Variants in RBM33 observed in about 807,000 individuals in gnomAD.
RBM33 encodes the protein RNA binding motif protein 33.
A neutral mutation model predicts 132.6 loss-of-function variants in RBM33; 28 were observed. That is an observed-to-expected ratio of 0.21 (90% CI 0.16 to 0.29). The LOEUF (loss-of-function observed/expected upper bound fraction) is 0.29. RBM33 is among the 10% of genes least tolerant of loss of function. The pLI, the probability that RBM33 is intolerant of heterozygous loss-of-function variation, is 1.00. For missense variants in RBM33, 1,291 were observed against 1,518.5 expected (o/e 0.85, Z 2.49); for synonymous variants, 634 against 593.0 (o/e 1.07, Z -1.01).
intron 8 of RBM33, among the ~76,000 whole-genome samples, chr7:155,717,982 A>G (rs928566981): frequency 6.6e-6 from 1 of 152,026 alleles, no homozygotes; most frequent in Non-Finnish European, 1.5e-5. Flanking sequence ...TTCATGATTC[A>G]TGAGGATTGA....
intron 5 of RBM33, among the ~76,000 whole-genome samples, chr7:155,682,503 A>G (rs1799363612): frequency 6.6e-6 from 1 of 152,184 alleles, no homozygotes; most frequent in Non-Finnish European, 1.5e-5. Context: ...GTGCCTAGTT[A>G]TTGCCTAGTT....
chr7:155,673,402 T>TTGTGGGGGGG (rs1491358812), intron 3 of RBM33, among the ~76,000 whole-genome samples: 2 of 45,162 alleles, frequency 4.4e-5, no homozygotes, highest in African/African-American at 3.0e-4. Context: ...TTTATATATA[T>TTGTGGGGGGG]TGTGTGTGTG....
chr7:155,673,941 T>TTGTTTTTTG (rs796928438), intron 3 of RBM33, among the ~76,000 whole-genome samples: 2 of 42,506 alleles, frequency 4.7e-5, no homozygotes, highest in African/African-American at 3.1e-4. Context: ...TTAGGCTTAG[T>TTGTTTTTTG]TTTTTTTTTT....
chr7:155,670,581 T>C (rs1585416208), intron 2 of RBM33, among the ~76,000 whole-genome samples: 1 of 152,222 alleles, frequency 6.6e-6, no homozygotes, highest in East Asian at 1.9e-4. Flanking sequence ...TGGATGACCT[T>C]GGGCAAATTA....
intron 5 of RBM33, among the ~76,000 whole-genome samples, chr7:155,695,935 C>CGT (rs367596855): frequency 0.034 from 5,164 of 150,436 alleles, 118 homozygotes; most frequent in Non-Finnish European, 0.05. Flanking sequence ...TATGTGCGCA[C>CGT]GTGTGTGTGT....
chr7:155,665,677 C>T (rs1321405052), intron 2 of RBM33, among the ~76,000 whole-genome samples: 2 of 152,000 alleles, frequency 1.3e-5, no homozygotes, highest in African/African-American at 2.4e-5. Flanking sequence ...TCCTGGTTAC[C>T]AGTGAAGATG....
At chr7:155,700,546 C>CTTTTTTTTTTTTTTTTT (rs529323301) in intron 5 of RBM33, among the ~76,000 whole-genome samples, 1 of 85,582 alleles carries the variant, frequency 1.2e-5, no homozygotes, top group Non-Finnish European at 2.3e-5. Context: ...AGAATTTGAC[C>CTTTTTTTTTTTTTTTTT]TTTTTTTTTT....
At chr7:155,765,581 C>T (rs1398010032) in intron 15 of RBM33, among the ~76,000 whole-genome samples, 4 of 152,130 alleles carry the variant, frequency 2.6e-5, no homozygotes, top group African/African-American at 4.8e-5. Context: ...GCATTCTGCC[C>T]GAACTCCCCA....
At chr7:155,713,810 A>G (rs1318046879) in intron 8 of RBM33, among the ~76,000 whole-genome samples, 1 of 152,204 alleles carries the variant, frequency 6.6e-6, no homozygotes, top group Non-Finnish European at 1.5e-5. Flanking sequence ...GAGCTAGTTA[A>G]GAAGGAAAAA....
At chr7:155,663,488 C>A (rs1334456228) in intron 1 of RBM33, among the ~76,000 whole-genome samples, 2 of 152,026 alleles carry the variant, frequency 1.3e-5, no homozygotes, top group Non-Finnish European at 2.9e-5. Flanking sequence ...AGGGGTGCCA[C>A]ACTTTACAAC....
At position 155,644,876 on chromosome 7, in the gene RBM33, C is replaced by A. The variant is rs972825667; in HGVS notation, c.-1C>A. On this transcript the variant is annotated 5_prime_UTR_variant, in exon 1 of 18. Coordinates refer to ENST00000401878, the MANE Select transcript of RBM33 (RefSeq NM_053043.3). ...GCTGAAGGCCGGGCCCCGCGAGTGC[C>A]ATGGCGGCCGCCCTGGGAGCGAGCG... 7 of 1,493,526 alleles carry A rather than the reference C, an allele frequency of 4.7e-6. No homozygotes were observed. Among genetic ancestry groups the A allele is most frequent in the Non-Finnish European group, 6.2e-6 (7 of 1,127,512 alleles). 92.5% of individuals were successfully genotyped at this position (1,493,526 alleles called of 1,614,324 possible).
At chr7:155,773,568 CAAAAAAAAAAAAAAA>C (rs201127157) in intron 16 of RBM33, among the ~76,000 whole-genome samples, 19 of 50,476 alleles carry the variant, frequency 3.8e-4, no homozygotes, top group African/African-American at 8.3e-4. Flanking sequence ...ACTCCATCTC[CAAAAAAAAAAAAAAA>C]AAAAAAAAAA....
chr7:155,716,335 A>G (rs1274841325), intron 8 of RBM33, among the ~76,000 whole-genome samples: 1 of 30,704 alleles, frequency 3.3e-5, no homozygotes, highest in African/African-American at 2.3e-4. Context: ...TTTTTTTTAA[A>G]TAGGGAAAAG....
chr7:155,713,546 G>A (rs955605533), intron 8 of RBM33, among the ~76,000 whole-genome samples: 3 of 152,150 alleles, frequency 2.0e-5, no homozygotes, highest in Admixed American at 2.0e-4. Flanking sequence ...CGGTCGATGG[G>A]GAAGGAAGCA....
intron 1 of RBM33, among the ~76,000 whole-genome samples, chr7:155,658,416 GTC>G (rs1167227495): frequency 7.4e-6 from 1 of 135,676 alleles, no homozygotes; most frequent in Non-Finnish European, 1.5e-5. Context: ...GAGACGGAGT[GTC>G]TCTCTGTCGC....
intron 16 of RBM33, among the ~76,000 whole-genome samples, chr7:155,772,890 T>C (rs1802477187): frequency 6.6e-6 from 1 of 152,228 alleles, no homozygotes; most frequent in Non-Finnish European, 1.5e-5. Flanking sequence ...GACACCTTTT[T>C]CGGGAGTGTT....
chr7:155,724,992 G>T (rs12154340), intron 9 of RBM33, among the ~76,000 whole-genome samples: 10,383 of 60,286 alleles, frequency 0.17, 412 homozygotes, highest in African/African-American at 0.37. Context: ...GTACAGGTTT[G>T]TGTGTGTGTG....
chr7:155,747,873 TG>T (rs1201513399), intron 14 of RBM33, among the ~76,000 whole-genome samples: 3 of 152,234 alleles, frequency 2.0e-5, no homozygotes, highest in African/African-American at 7.2e-5. Context: ...TGTTTTTTTG[TG>T]GGTGAGGACT....
At chr7:155,686,900 A>G (rs1585437768) in intron 5 of RBM33, among the ~76,000 whole-genome samples, 1 of 152,262 alleles carries the variant, frequency 6.6e-6, no homozygotes, top group East Asian at 1.9e-4. Context: ...TTGGGTTGGT[A>G]CCAAGTCTTT....
Sources: allele counts gnomAD v4.1 joint callset (sites outside exome capture counted in the v4.1 genomes callset), GRCh38; gene constraint gnomAD v4.1.1; transcripts MANE v1.5; gene names NCBI Gene and HGNC (gene_info 2026-07-23, HGNC 2026-07-21).